Variants in SEMA4A observed in about 807,000 individuals in gnomAD.
SEMA4A encodes semaphorin-4A.
A neutral mutation model predicts 72.5 loss-of-function variants in SEMA4A; 52 were observed. The ratio of observed to expected loss-of-function variants is 0.72; its 90% CI spans 0.57 to 0.90. The LOEUF (loss-of-function observed/expected upper bound fraction) is 0.90. SEMA4A is among the 40% of genes least tolerant of loss of function. The probability of loss-of-function intolerance (pLI) is 0.00; values close to 1 mark genes in which losing one functional copy is unlikely to be tolerated. For missense variants in SEMA4A, 926 were observed against 959.7 expected, an observed-to-expected ratio of 0.96 and a Z score of 0.46; for synonymous variants, 369 against 393.1, an observed-to-expected ratio of 0.94 and a Z score of 0.73.
chr1:156,162,643 C>A (rs186719719), intron 9 of SEMA4A, among the ~76,000 whole-genome samples: 2 of 152,360 alleles, frequency 1.3e-5, no homozygotes, highest in Non-Finnish European at 2.9e-5. Context: ...TGGGTGCAGC[C>A]CAGTGTAGGC....
upstream of SEMA4A, among the ~76,000 whole-genome samples, chr1:156,147,708 G>GC (rs1055022639): frequency 2.0e-5 from 3 of 151,998 alleles, no homozygotes; most frequent in Admixed American, 6.6e-5. Context: ...GCCACTCCTT[G>GC]CCCCCTGCAA....
chr1:156,148,199 G>A (rs1223682993), upstream of SEMA4A, among the ~76,000 whole-genome samples: 2 of 152,166 alleles, frequency 1.3e-5, no homozygotes, highest in African/African-American at 2.4e-5. Context: ...GTCCAATGGG[G>A]GTGTGAGGGC....
chr1:156,162,967 C>G lies in SEMA4A; in HGVS notation c.1007C>G (p.Ser336Cys). ...AGGCAGGTTGGCGGGACCAGGAGCT[C>G]TGCGGTTTGTGCCTTCTCTCTCTTG... ...SQWQVGGTRS[S>C]AVCAFSLLDI... The change falls in exon 10 of 15, where the codon TCT (serine) becomes TGT (cysteine). Residue 336 changes from serine (S) to cysteine (C), a missense_variant. Ser to Cys is a moderately radical substitution (Grantham distance 112, BLOSUM62 -1). Coordinates refer to ENST00000368285, the MANE Select transcript of SEMA4A (RefSeq NM_022367.4). 2 of 1,613,984 alleles carry G rather than the reference C, an allele frequency of 1.2e-6. No individual in the cohort carries two copies. Among genetic ancestry groups the G allele is most frequent in the Non-Finnish European group, 1.7e-6 (2 of 1,180,038 alleles).
In SEMA4A at chr1:156,176,458, C is replaced by G; in HGVS notation, c.1747C>G (p.Leu583Val). Residue 583 changes from leucine (L) to valine (V), a missense_variant, in exon 15 of 15, where the codon CTG (leucine) becomes GTG (valine). Transcript: ENST00000368285. ...CATCCTGGAGCTCCCCTGCCCCCACCTGTCAGCCTTGGCCTCTTATTATTG... is the reference window on the plus strand; with the variant it reads ...CATCCTGGAGCTCCCCTGCCCCCACGTGTCAGCCTTGGCCTCTTATTATTG... ...NSILELPCPH[L>V]SALASYYWSH... 4 of 1,614,194 alleles carry G rather than the reference C, an allele frequency of 2.5e-6. No homozygotes were observed. The highest frequency in any genetic ancestry group is 1.7e-6 in the Non-Finnish European group (2 of 1,180,038).
chr1:156,176,183 G>A (rs560034434), intron 14 of SEMA4A, among the ~76,000 whole-genome samples: 1 of 152,130 alleles, frequency 6.6e-6, no homozygotes, highest in Non-Finnish European at 1.5e-5. Context: ...GGGAGGCTGG[G>A]GTGGAAGGAT....
chr1:156,153,955 C>G (rs369463758), intron 1 of SEMA4A, among the ~76,000 whole-genome samples, 191 bp downstream of exon 1: 15 of 152,270 alleles, frequency 9.9e-5, no homozygotes, highest in African/African-American at 3.6e-4. Flanking sequence ...CATTGCCTCC[C>G]TGGAAGTATC....
At chr1:156,158,611 C>A (rs1030129305) in intron 5 of SEMA4A, 108 bp from the exon 6 acceptor site, 3 of 1,294,446 alleles carry the variant, frequency 2.3e-6, no homozygotes, top group Non-Finnish European at 3.4e-6. Flanking sequence ...AACTTCCTGG[C>A]CCCAGACCAA....
At position 156,157,321 on chromosome 1, in the gene SEMA4A, T is replaced by C. The variant is rs550277604; in HGVS notation, c.300+747T>C. On this transcript the variant is annotated intron_variant, in intron 3 of 14. Coordinates refer to ENST00000368285, the MANE Select transcript of SEMA4A (RefSeq NM_022367.4). The surrounding 1 kb of genome is among the most constrained non-coding windows in gnomAD (Gnocchi z 4.5). ...GCCTCAGTCTCCTGAGTAGCTGGGATTACAGGCGCCCGCCACTAGGCATGG... is the reference window on the plus strand; with the variant it reads ...GCCTCAGTCTCCTGAGTAGCTGGGACTACAGGCGCCCGCCACTAGGCATGG... 1.3e-5 allele frequency among the ~76,000 whole-genome samples: 2 copies of C among 152,202 alleles called. No homozygotes were observed. The highest frequency in any genetic ancestry group is 4.1e-4 in the South Asian group (2 of 4,822).
chr1:156,171,879 G>T (rs1654816623), intron 10 of SEMA4A, among the ~76,000 whole-genome samples: 1 of 151,796 alleles, frequency 6.6e-6, no homozygotes, highest in African/African-American at 2.4e-5. Flanking sequence ...TGCCTCCCGG[G>T]TTCAAGCGAT....
intron 2 of SEMA4A, 32 bp from the exon 3 acceptor site, chr1:156,156,382 T>TCA: frequency 6.2e-7 from 1 of 1,611,822 alleles, no homozygotes; most frequent in African/African-American, 1.3e-5. Context: ...CACCAAGTCC[T>TCA]CATCACTCTC....
intron 8 of SEMA4A, 22 bp from the exon 9 acceptor site, chr1:156,161,324 C>T: frequency 2.1e-6 from 2 of 961,880 alleles, no homozygotes; most frequent in Non-Finnish European, 3.1e-6. Flanking sequence ...GGGGCGCCCC[C>T]TGACTCCCCC....
chr1:156,173,615 G>A (rs979825457), intron 11 of SEMA4A, among the ~76,000 whole-genome samples: 3 of 152,140 alleles, frequency 2.0e-5, no homozygotes, highest in Admixed American at 6.6e-5. Context: ...TGGCGGGGGG[G>A]ACAGCACCTG....
In SEMA4A at chr1:156,158,827, G is replaced by A; in HGVS notation, c.568+3G>A. On this transcript the variant is annotated splice_donor_region_variant and intron_variant, in intron 6 of 14. Coordinates refer to ENST00000368285, the MANE Select transcript of SEMA4A (RefSeq NM_022367.4). ...CAAGCATACGGCTGTCTTGGTGGGT[G>A]AGTATCAGGTTTCCCACTTCATCCC... The A allele has an allele frequency of 6.2e-7, 1 of 1,608,772 alleles. No individual in the cohort carries two copies.
Position 156,176,880 on chromosome 1 carries a change from C to T in SEMA4A, c.2169C>T (p.Arg723=). 6.2e-7 allele frequency: 1 copy of T among 1,614,238 alleles called. No homozygotes were observed. The highest frequency in any genetic ancestry group is 8.5e-7 in the Non-Finnish European group (1 of 1,180,028). Residue 723 remains arginine (R), a synonymous_variant, in exon 15 of 15, where the codon CGC becomes CGT. Transcript: ENST00000368285. The part of the protein sequence containing the change: ...RGKVQGCETL[R]PGEKAPLSRE... ...AGGTTCAGGGCTGTGAGACCCTGCGCCCTGGGGAGAAGGCCCCGTTAAGCA... is the reference window on the plus strand; with the variant it reads ...AGGTTCAGGGCTGTGAGACCCTGCGTCCTGGGGAGAAGGCCCCGTTAAGCA...
At chr1:156,161,318 C>T (rs777952002) in intron 8 of SEMA4A, 28 bp from the exon 9 acceptor site, 99 of 1,334,558 alleles carry the variant, frequency 7.4e-5, no homozygotes, top group Middle Eastern at 3.0e-4. Flanking sequence ...GCGCCCGGGG[C>T]GCCCCCTGAC....
upstream of SEMA4A, among the ~76,000 whole-genome samples, chr1:156,148,788 CTTTTTCT>C (rs1430933075): frequency 4.7e-5 from 7 of 149,514 alleles, no homozygotes; most frequent in African/African-American, 7.5e-5. Context: ...CTGGAAGGGG[CTTTTTCT>C]TTTTTCTTTT....
chr1:156,156,234 C>A, intron 2 of SEMA4A, 180 bp from the exon 3 acceptor site: 1 of 666,670 alleles, frequency 1.5e-6, no homozygotes, highest in Non-Finnish European at 2.7e-6. Context: ...GCTCAGCACA[C>A]AACGCTCTTG....
chr1:156,160,337 G>GC lies in SEMA4A; in HGVS notation c.569-101dup. 3.5e-6 allele frequency: 3 copies of GC among 869,082 alleles called. No homozygotes were observed. The South Asian group carries it at 4.0e-5, about 12-fold the overall frequency. The allele number at this position is 869,082 out of a possible 1,614,324, so 53.8% of individuals were successfully genotyped here. A position where few individuals can be genotyped will look rare whatever the true frequency, so the allele number is the denominator to read the frequency against. ...CAGGAAGGTGCAGAACTGATGCAGG[G>GC]CCCCCGAGACTGATATGGATGCCAG... On this transcript the variant is annotated intron_variant, in intron 6 of 14. Transcript: ENST00000368285.
At position 156,156,402 on chromosome 1, in the gene SEMA4A, C is replaced by T. The variant is rs777105385; in HGVS notation, c.140-12C>T. 2 of 1,613,784 alleles carry T rather than the reference C, an allele frequency of 1.2e-6. No individual in the cohort carries two copies. The highest frequency in any genetic ancestry group is 3.3e-5 in the Admixed American group (2 of 60,026). On this transcript the variant is annotated splice_polypyrimidine_tract_variant and intron_variant, in intron 2 of 14. Transcript: ENST00000368285. ...AGTCCTCATCACTCTCTCTGTCTTA[C>T]TCCTCCAACAGGGGATGAACGTAGG...
Sources: allele counts gnomAD v4.1 joint callset (sites outside exome capture counted in the v4.1 genomes callset), GRCh38; gene constraint gnomAD v4.1.1; non-coding constraint Gnocchi (gnomAD v3.1); transcripts MANE v1.5; gene names NCBI Gene and HGNC (gene_info 2026-07-23, HGNC 2026-07-21).